PTPRN2: variants seen among roughly 807,000 people sequenced by gnomAD.
PTPRN2 encodes the protein receptor-type tyrosine-protein phosphatase N2.
A neutral mutation model predicts 118.8 loss-of-function variants in PTPRN2; 74 were observed. The ratio of observed to expected loss-of-function variants is 0.62; its 90% CI spans 0.52 to 0.76. The LOEUF (loss-of-function observed/expected upper bound fraction) is 0.76, where lower values mean the gene tolerates loss of function less well. Ranked by LOEUF, PTPRN2 falls within the 30% of genes least tolerant of loss-of-function variation. The pLI, the probability that PTPRN2 is intolerant of heterozygous loss-of-function variation, is 0.00. For synonymous variants in PTPRN2, 641 were observed against 608.0 expected, an observed-to-expected ratio of 1.05 and a Z score of -0.80; for missense variants, 1,481 against 1,394.4, an observed-to-expected ratio of 1.06 and a Z score of -0.99.
At chr7:158,318,171 A>AC (rs1802505619) in intron 2 of PTPRN2, among the ~76,000 whole-genome samples, 1 of 152,128 alleles carries the variant, frequency 6.6e-6, no homozygotes, top group Admixed American at 6.5e-5. Context: ...TCCGTGATGG[A>AC]CAGGCCGCAC....
chr7:157,938,780 C>G (rs1337412207), intron 11 of PTPRN2, among the ~76,000 whole-genome samples: 1 of 152,186 alleles, frequency 6.6e-6, no homozygotes, highest in African/African-American at 2.4e-5. Flanking sequence ...TAAAAAGAAC[C>G]ACCCTTTGGG....
intron 11 of PTPRN2, among the ~76,000 whole-genome samples, chr7:157,979,731 C>A (rs974188316): frequency 6.6e-6 from 1 of 152,212 alleles, no homozygotes; most frequent in Non-Finnish European, 1.5e-5. Flanking sequence ...CAGGGGGTGC[C>A]GCTGAATGCC....
chr7:157,918,660 A>G (rs534706977), intron 11 of PTPRN2, among the ~76,000 whole-genome samples: 1 of 152,372 alleles, frequency 6.6e-6, no homozygotes, highest in East Asian at 1.9e-4. Flanking sequence ...CGTCGACACC[A>G]AGAAAATGTG....
chr7:157,650,448 A>G (rs1033292698), intron 14 of PTPRN2, among the ~76,000 whole-genome samples: 1 of 152,272 alleles, frequency 6.6e-6, no homozygotes, highest in Non-Finnish European at 1.5e-5. Flanking sequence ...AGACAGCAGC[A>G]ACGGCCTGCC....
Position 158,050,837 on chromosome 7 carries a change from G to A in PTPRN2, c.1723+30461C>T, listed in dbSNP as rs1585275399. 2.0e-5 allele frequency among the ~76,000 whole-genome samples: 3 copies of A among 152,320 alleles called. 1 individual carries two copies. Among genetic ancestry groups the A allele is most frequent in the Admixed American group, 2.0e-4 (3 of 15,302 alleles). On this transcript the variant is annotated intron_variant, in intron 11 of 22. Coordinates refer to ENST00000389418, the MANE Select transcript of PTPRN2 (RefSeq NM_002847.5). ...TGTGCACACCTCTTTATGCAAAGAG[G>A]CACTGAAAGCTCAGAGGCCTCAGCA...
chr7:157,620,288 C>G (rs561510397), intron 15 of PTPRN2, among the ~76,000 whole-genome samples: 1 of 152,292 alleles, frequency 6.6e-6, no homozygotes, highest in South Asian at 2.1e-4. Context: ...GCCGGGCAGT[C>G]CTTGCCCTCC....
intron 1 of PTPRN2, among the ~76,000 whole-genome samples, chr7:158,566,071 G>A (rs1445897682): frequency 6.6e-6 from 1 of 151,640 alleles, no homozygotes; most frequent in Non-Finnish European, 1.5e-5. Context: ...GGCCAAGCTT[G>A]GCCGGGCGCA....
chr7:157,639,283 G>A (rs998937034), intron 14 of PTPRN2, among the ~76,000 whole-genome samples: 42 of 152,214 alleles, frequency 2.8e-4, no homozygotes, highest in Admixed American at 2.6e-3. Context: ...TGATCTGCCC[G>A]CCTTGGCCTC....
chr7:158,112,493 G>A (rs928948757), intron 9 of PTPRN2, among the ~76,000 whole-genome samples: 4 of 152,194 alleles, frequency 2.6e-5, no homozygotes, highest in African/African-American at 7.2e-5. Context: ...TGGCCACCAC[G>A]GCTGTCCGGT....
intron 11 of PTPRN2, among the ~76,000 whole-genome samples, chr7:158,075,074 G>A (rs1335136377): frequency 3.9e-5 from 6 of 152,180 alleles, no homozygotes; most frequent in East Asian, 1.9e-4. Flanking sequence ...TGATGAAGGC[G>A]GCTTTCGGGA....
chr7:157,991,845 A>G (rs1218037550), intron 11 of PTPRN2, among the ~76,000 whole-genome samples: 1 of 152,178 alleles, frequency 6.6e-6, no homozygotes, highest in Non-Finnish European at 1.5e-5. Context: ...GACGAGGCCA[A>G]GGGCACCTAA....
At chr7:157,605,001 C>T (rs1462879093) in intron 15 of PTPRN2, among the ~76,000 whole-genome samples, 6 of 152,242 alleles carry the variant, frequency 3.9e-5, no homozygotes, top group Admixed American at 2.6e-4. Flanking sequence ...CTGCAAGGTG[C>T]GCTTTGTGTT....
intron 12 of PTPRN2, among the ~76,000 whole-genome samples, chr7:157,771,252 C>A (rs373966322): frequency 6.6e-6 from 1 of 152,246 alleles, no homozygotes; most frequent in African/African-American, 2.4e-5. Flanking sequence ...CCAGCTGATG[C>A]CAGTGGAGCA....
At chr7:158,504,316 G>C (rs1415360440) in intron 1 of PTPRN2, among the ~76,000 whole-genome samples, 1 of 152,126 alleles carries the variant, frequency 6.6e-6, no homozygotes, top group Non-Finnish European at 1.5e-5. Flanking sequence ...ATTTAGGCCA[G>C]CGTCCATTAG....
At chr7:157,687,146 C>G (rs184692038) in intron 12 of PTPRN2, among the ~76,000 whole-genome samples, 7 of 152,108 alleles carry the variant, frequency 4.6e-5, no homozygotes, top group Admixed American at 3.3e-4. Context: ...TGACCGTGCC[C>G]CTGAGTGGAG....
Position 157,656,465 on chromosome 7 carries a change from C to G in PTPRN2, c.2088G>C (p.Gln696His), listed in dbSNP as rs779142345. The change falls in exon 14 of 23, where the codon CAG becomes CAC. Residue 696 changes from glutamine to histidine, a missense_variant. By Grantham distance (24) the Gln-to-His change is conservative. Around this residue, in one of 3 missense-constraint regions of PTPRN2, gnomAD observed 1,115 missense variants for 994.2 expected, o/e 1.12. Coordinates refer to ENST00000389418, the MANE Select transcript of PTPRN2 (RefSeq NM_002847.5). ...GGCTGGGGATCGGCCCGTCGCTGAA[C>G]TGGGATGAGACGCTGCTGATGCGTG... ...HTSRISSVSS[Q>H]FSDGPIPSPS... 8.4e-6 allele frequency: 13 copies of G among 1,555,368 alleles called. No homozygotes were observed. The highest frequency in any genetic ancestry group is 1.0e-5 in the Non-Finnish European group (12 of 1,151,898).
At chr7:158,532,972 C>A (rs1825365829) in intron 1 of PTPRN2, among the ~76,000 whole-genome samples, 1 of 152,196 alleles carries the variant, frequency 6.6e-6, no homozygotes, top group South Asian at 2.1e-4. Flanking sequence ...ATCCCCAGAA[C>A]CACCAAAGGA....
At chr7:158,028,495 G>A (rs1384038113) in intron 11 of PTPRN2, 1 of 152,676 alleles carries the variant, frequency 6.5e-6, no homozygotes, top group Non-Finnish European at 1.5e-5. Context: ...AGGAGAAGCA[G>A]CCAGAGCCTG....
intron 11 of PTPRN2, among the ~76,000 whole-genome samples, chr7:158,064,528 A>T (rs1481384234): frequency 2.6e-5 from 4 of 152,096 alleles, no homozygotes; most frequent in African/African-American, 9.7e-5. Flanking sequence ...ACACTGCCCC[A>T]TGGTTTCCTG....
Sources: allele counts gnomAD v4.1 joint callset (sites outside exome capture counted in the v4.1 genomes callset), GRCh38; gene constraint gnomAD v4.1.1; regional missense constraint gnomAD v4.1.1; transcripts MANE v1.5; gene names NCBI Gene and HGNC (gene_info 2026-07-23, HGNC 2026-07-21).